The following LMF1 variants were observed in gnomAD, a reference collection of about 807,000 sequenced individuals.
LMF1 encodes transmembrane protein 112.
LMF1 carries 68 observed loss-of-function variants against 60.6 expected under a neutral mutation model. The ratio of observed to expected loss-of-function variants is 1.12; its 90% CI spans 0.92 to 1.37. LMF1 has a LOEUF of 1.37. LMF1 is among the 40% of genes most tolerant of loss of function. The probability of loss-of-function intolerance (pLI) is 0.00; values close to 1 mark genes in which losing one functional copy is unlikely to be tolerated. For missense variants in LMF1, 948 were observed against 767.2 expected (o/e 1.24, Z -2.78); for synonymous variants, 418 against 324.7 (o/e 1.29, Z -3.09).
chr16:954,879 G>A (rs1374912072), intron 1 of LMF1, among the ~76,000 whole-genome samples: 1 of 152,156 alleles, frequency 6.6e-6, no homozygotes, highest in Admixed American at 6.5e-5. Context: ...GACGCGGTGT[G>A]TGCATACACG....
At chr16:972,798 T>G (rs1029609022), upstream of LMF1, among the ~76,000 whole-genome samples, 1 of 152,206 alleles carries the variant, frequency 6.6e-6, no homozygotes, top group African/African-American at 2.4e-5. Context: ...CGCTCCGGGC[T>G]CCGGCTCTGC....
chr16:864,451 A>T (rs2069556165), intron 10 of LMF1, among the ~76,000 whole-genome samples: 1 of 152,214 alleles, frequency 6.6e-6, no homozygotes, highest in African/African-American at 2.4e-5. Flanking sequence ...TAAATGACAT[A>T]TTCAACACTG....
chr16:924,244 C>A (rs1341929583), intron 3 of LMF1, among the ~76,000 whole-genome samples: 2 of 152,064 alleles, frequency 1.3e-5, no homozygotes, highest in Non-Finnish European at 2.9e-5. Context: ...GAAGAATAAC[C>A]CATATAAACC....
rs78587182 is a variant in LMF1, at chr16:932,838, G to T, written c.514+1406C>A. Reference sequence around the variant, plus strand: ...GAATGTATCCTGGCGCACTGCGGGGGAGGCCCAGGGACTCAGGTCACCACA... The same window carrying T: ...GAATGTATCCTGGCGCACTGCGGGGTAGGCCCAGGGACTCAGGTCACCACA... On this transcript the variant is annotated intron_variant, in intron 3 of 10. Coordinates refer to ENST00000262301, the MANE Select transcript of LMF1 (RefSeq NM_022773.4). 4.6e-3 allele frequency among the ~76,000 whole-genome samples: 708 copies of T among 152,268 alleles called. 7 individuals are homozygous for T. The highest frequency in any genetic ancestry group is 0.016 in the African/African-American group (658 of 41,540).
intron 6 of LMF1, chr16:873,599 C>T (rs1317934909): frequency 7.7e-5 from 3 of 38,808 alleles, no homozygotes; most frequent in Non-Finnish European, 1.2e-4. Context: ...TCACAGGGAC[C>T]CTCCGCCGAG....
rs555372049 is a variant in LMF1 at position 934,202 on chromosome 16, G to C, written c.514+42C>G. The C allele has an allele frequency of 1.9e-6, 3 of 1,599,186 alleles. No individual in the cohort carries two copies. The Admixed American group carries it at 5.0e-5, about 27-fold the overall frequency. ...TGAAGATACATACCAAACACACAAC[G>C]CTCAACTCTCGCAGAGCTTTCTCTA... On this transcript the variant is annotated intron_variant, in intron 3 of 10. Transcript: ENST00000262301.
chr16:862,862 A>T (rs756458492), intron 10 of LMF1, among the ~76,000 whole-genome samples: 27 of 152,186 alleles, frequency 1.8e-4, no homozygotes, highest in South Asian at 8.3e-4. Flanking sequence ...CCTGTCTCAA[A>T]AAATAAATAA....
chr16:909,616 G>A (rs557455390), intron 4 of LMF1, among the ~76,000 whole-genome samples: 25 of 152,322 alleles, frequency 1.6e-4, no homozygotes, highest in Non-Finnish European at 3.5e-4. Flanking sequence ...ACGCTACACC[G>A]AGCCACACTT....
chr16:881,164 G>A (rs1020518745), intron 5 of LMF1, among the ~76,000 whole-genome samples: 2 of 152,140 alleles, frequency 1.3e-5, no homozygotes, highest in African/African-American at 4.8e-5. Flanking sequence ...GGGTGGGGGT[G>A]TGGGAAGCGC....
intron 4 of LMF1, among the ~76,000 whole-genome samples, chr16:909,956 C>T (rs992389041): frequency 2.0e-5 from 3 of 152,206 alleles, no homozygotes; most frequent in Admixed American, 6.5e-5. Flanking sequence ...ACTCTTCGTA[C>T]GTCTTCAGCG....
intron 2 of LMF1, 43 bp downstream of exon 2, chr16:954,314 A>G (rs535768220): frequency 1.3e-6 from 2 of 1,573,482 alleles, no homozygotes; most frequent in Admixed American, 1.7e-5. Context: ...GTGCTGAGTG[A>G]CAGCAAGCCC....
At chr16:923,157 C>T (rs1037068288) in intron 3 of LMF1, among the ~76,000 whole-genome samples, 3 of 152,010 alleles carry the variant, frequency 2.0e-5, no homozygotes, top group African/African-American at 4.8e-5. Context: ...GTTGCAAAGG[C>T]CTGTCTTCAG....
intron 5 of LMF1, among the ~76,000 whole-genome samples, chr16:888,275 G>A (rs989656980): frequency 4.6e-5 from 7 of 152,230 alleles, no homozygotes; most frequent in South Asian, 2.1e-4. Context: ...AAGTGGCTCC[G>A]AAAGGGGTGT....
chr16:883,048 G>A (rs1012435801), intron 5 of LMF1, among the ~76,000 whole-genome samples: 1 of 145,838 alleles, frequency 6.9e-6, no homozygotes, highest in Non-Finnish European at 1.5e-5. Context: ...CCCATCGCAG[G>A]ACCAGGAGAA....
At chr16:860,903 T>C (rs1412264238) in intron 10 of LMF1, among the ~76,000 whole-genome samples, 3 of 152,210 alleles carry the variant, frequency 2.0e-5, no homozygotes, top group South Asian at 2.1e-4. Context: ...ACTGGGTAGA[T>C]TGATTCGTTC....
chr16:911,020 T>C lies in LMF1; in HGVS notation c.574A>G (p.Thr192Ala), dbSNP rs1385005508. 24 of 1,612,886 alleles carry C rather than the reference T, an allele frequency of 1.5e-5. No individual in the cohort carries two copies. Among genetic ancestry groups the C allele is most frequent in the Non-Finnish European group, 1.9e-5 (23 of 1,179,800 alleles). ...FLGIFLCPLW[T>A]LSRLPQHTPT... ...GTATGCTGGGGCAGCCTTGACAGCG[T>C]CCACAGAGGGCACAGGAAGATCCCC... Residue 192 changes from threonine to alanine, a missense_variant, in exon 4 of 11, where the codon ACG (threonine) becomes GCG (alanine). Transcript: ENST00000262301.
At chr16:936,126 GGAGA>G (rs1170948973) in intron 2 of LMF1, among the ~76,000 whole-genome samples, 1 of 142,840 alleles carries the variant, frequency 7.0e-6, no homozygotes, top group Admixed American at 6.9e-5. Context: ...AGGCTGGGAG[GGAGA>G]GAGGGCACCC....
At chr16:978,707 G>A (rs1033110897) in intron 1 of LMF1, among the ~76,000 whole-genome samples, 4 of 152,154 alleles carry the variant, frequency 2.6e-5, no homozygotes, top group East Asian at 1.9e-4. Flanking sequence ...ATGCAGACAC[G>A]GCGGAGCAGG....
chr16:931,172 G>A (rs985377015), intron 3 of LMF1, among the ~76,000 whole-genome samples: 7 of 151,984 alleles, frequency 4.6e-5, no homozygotes, highest in African/African-American at 7.2e-5. Context: ...AGCTACATGC[G>A]GCCACGGAGC....
Sources: allele counts gnomAD v4.1 joint callset (sites outside exome capture counted in the v4.1 genomes callset), GRCh38; gene constraint gnomAD v4.1.1; transcripts MANE v1.5; gene names NCBI Gene and HGNC (gene_info 2026-07-23, HGNC 2026-07-21).